Variants in DCTN5 observed in about 807,000 individuals in gnomAD.
The protein encoded by DCTN5 is dynactin subunit 5.
DCTN5 carries 14 observed loss-of-function variants against 23.5 expected under a neutral mutation model. The observed-to-expected ratio is 0.60, with a 90% CI of 0.39 to 0.93. DCTN5 has a LOEUF of 0.93. Ranked by LOEUF, DCTN5 falls within the 40% of genes least tolerant of loss-of-function variation. DCTN5 has a pLI of 0.00. For synonymous variants in DCTN5, 67 were observed against 79.6 expected (o/e 0.84, Z 0.84); for missense variants, 156 against 225.9 (o/e 0.69, Z 1.98).
At chr16:23,657,564 C>T in intron 2 of DCTN5, 1 of 362,736 alleles carries the variant, frequency 2.8e-6, no homozygotes, top group Non-Finnish European at 5.5e-6. Flanking sequence ...CCTCAGCCTC[C>T]CGAGTAGCTG....
Position 23,672,254 on chromosome 16 carries a change from G to A in DCTN5, c.*5110G>A, listed in dbSNP as rs186314288. On this transcript the variant is annotated 3_prime_UTR_variant, in exon 6 of 6. Coordinates refer to ENST00000300087, the MANE Select transcript of DCTN5 (RefSeq NM_032486.4). ...AAACAACTGTCAAAACCATGTGCCT[G>A]TACTATTTGGAGTGCTGTCCTTGCA... 12 of 152,296 alleles carry A rather than the reference G, an allele frequency of 7.9e-5. No homozygotes were observed. In the East Asian group the frequency reaches 2.1e-3, roughly 27 times the overall value. 9.4% of individuals were successfully genotyped at this position (152,296 alleles called of 1,614,324 possible). A position where few individuals can be genotyped will look rare whatever the true frequency, so the allele number is the denominator to read the frequency against.
Position 23,641,533 on chromosome 16 carries a change from G to A in DCTN5, c.-10G>A, listed in dbSNP as rs1347975305. 1.9e-6 allele frequency: 3 copies of A among 1,614,078 alleles called. No homozygotes were observed. Among genetic ancestry groups the A allele is most frequent in the Non-Finnish European group, 2.5e-6 (3 of 1,179,934 alleles). ...ACAGGATCCGGGGCTGAGGGAAGGA[G>A]GCGGCGGCCATGGAGTTGGGCGAGC... On this transcript the variant is annotated 5_prime_UTR_variant, in exon 1 of 6. Coordinates refer to ENST00000300087, the MANE Select transcript of DCTN5 (RefSeq NM_032486.4).
chr16:23,641,585 G>C lies in DCTN5; in HGVS notation c.43G>C (p.Glu15Gln), dbSNP rs1967259739. Residue 15 changes from glutamate to glutamine, a missense_variant, in exon 1 of 6, where the codon GAG becomes CAG. Physicochemically the swap from Glu to Gln is conservative, Grantham distance 29. This residue lies in a region of DCTN5 where 153 missense variants were observed against 206.8 expected (regional missense o/e 0.74). Transcript: ENST00000300087. Reference sequence around the variant, plus strand: ...GCTCTACAACAAGTCTGAGTACATCGAGACGGTGCGCGGGTCCAGATATGT... The same window carrying C: ...GCTCTACAACAAGTCTGAGTACATCCAGACGGTGCGCGGGTCCAGATATGT... ...ELLYNKSEYI[E>Q]TASGNKVSRQ... 1.2e-6 allele frequency: 2 copies of C among 1,613,868 alleles called. No individual in the cohort carries two copies. The highest frequency in any genetic ancestry group is 1.7e-5 in the Admixed American group (1 of 59,996).
intron 2 of DCTN5, among the ~76,000 whole-genome samples, chr16:23,655,746 T>C (rs1347858077): frequency 1.3e-5 from 2 of 152,170 alleles, no homozygotes; most frequent in Admixed American, 1.3e-4. Context: ...GGTTTTGCCA[T>C]GTTTCCCAGG....
chr16:23,661,898 G>A (rs1040917557), intron 4 of DCTN5, among the ~76,000 whole-genome samples: 7 of 151,944 alleles, frequency 4.6e-5, no homozygotes, highest in Non-Finnish European at 7.4e-5. Context: ...ATTTGCAGAT[G>A]AGAAGACTGA....
intron 1 of DCTN5, 133 bp downstream of exon 1, chr16:23,641,723 G>T (rs963519458): frequency 8.1e-5 from 75 of 920,924 alleles, no homozygotes; most frequent in Non-Finnish European, 1.1e-4. Flanking sequence ...ATCTAGCGAT[G>T]CCCCGTGTAC....
At chr16:23,661,109 A>C in intron 3 of DCTN5, 61 bp from the exon 4 acceptor site, 3 of 1,199,710 alleles carry the variant, frequency 2.5e-6, no homozygotes, top group Non-Finnish European at 3.7e-6. Flanking sequence ...TAGTTCTATA[A>C]ACCTTGACCC....
At chr16:23,664,094 T>G (rs910388524) in intron 4 of DCTN5, among the ~76,000 whole-genome samples, 1 of 152,242 alleles carries the variant, frequency 6.6e-6, no homozygotes, top group African/African-American at 2.4e-5. Context: ...ATGACAGGAA[T>G]TCTTAGGGTT....
chr16:23,642,880 G>A (rs1967327804), intron 1 of DCTN5, 75 bp from the exon 2 acceptor site: 1 of 1,323,996 alleles, frequency 7.6e-7, no homozygotes, highest in East Asian at 2.3e-5. Flanking sequence ...TCAAATGGGA[G>A]CTTTCTTGAT....
chr16:23,653,358 A>G (rs111394692), intron 2 of DCTN5, among the ~76,000 whole-genome samples: 5 of 152,334 alleles, frequency 3.3e-5, no homozygotes, highest in African/African-American at 1.2e-4. Context: ...GAACAGACAC[A>G]GAACAATGGA....
intron 2 of DCTN5, among the ~76,000 whole-genome samples, chr16:23,655,554 T>A (rs1967687147): frequency 6.6e-6 from 1 of 151,758 alleles, no homozygotes. Context: ...TTTTTTTTTT[T>A]TTTTCTTGAG....
chr16:23,642,744 C>T lies in DCTN5; in HGVS notation c.49-211C>T, dbSNP rs374375404. ...TCAAGGGATCCGTCTGCCTCAGCCT[C>T]TCAAAGTGCTGAGATTACAGGCATG... On this transcript the variant is annotated intron_variant, in intron 1 of 5. Transcript: ENST00000300087. The T allele has an allele frequency of 3.3e-5, 18 of 548,716 alleles. No individual in the cohort carries two copies. The South Asian group carries it at 3.5e-4, about 11-fold the overall frequency. 34.0% of individuals were successfully genotyped at this position (548,716 alleles called of 1,614,324 possible).
At position 23,643,438 on chromosome 16, in the gene DCTN5, C is replaced by T. The variant is rs1967353724; in HGVS notation, c.117+415C>T. ...GAACTCCTGCCCTCAAGTGATCCAC[C>T]CACCTCGGCCTCCCAAAGTGCTGGG... On this transcript the variant is annotated intron_variant, in intron 2 of 5. Coordinates refer to ENST00000300087, the MANE Select transcript of DCTN5 (RefSeq NM_032486.4). Among the ~76,000 whole-genome samples, 3 of 151,990 alleles carry T rather than the reference C, an allele frequency of 2.0e-5. No individual in the cohort carries two copies. The South Asian group carries it at 6.2e-4, about 32-fold the overall frequency.
intron 2 of DCTN5, among the ~76,000 whole-genome samples, chr16:23,643,701 T>G (rs1271805163): frequency 6.6e-6 from 1 of 152,056 alleles, no homozygotes; most frequent in Non-Finnish European, 1.5e-5. Context: ...ATCTCTTTAG[T>G]AAAAATTAAT....
At chr16:23,659,078 G>T (rs532195897) in intron 3 of DCTN5, among the ~76,000 whole-genome samples, 1 of 152,122 alleles carries the variant, frequency 6.6e-6, no homozygotes, top group South Asian at 2.1e-4. Context: ...TTTGTTCATG[G>T]AGCCTACCTT....
At position 23,671,387 on chromosome 16, in the gene DCTN5, A is replaced by T. The variant is rs988037237; in HGVS notation, c.*4243A>T. 2.6e-5 allele frequency: 4 copies of T among 152,218 alleles called. No homozygotes were observed. Among genetic ancestry groups the T allele is most frequent in the Non-Finnish European group, 2.9e-5 (2 of 68,040 alleles). The allele number at this position is 152,218 out of a possible 1,614,324, so 9.4% of individuals were successfully genotyped here. On this transcript the variant is annotated 3_prime_UTR_variant, in exon 6 of 6. Coordinates refer to ENST00000300087, the MANE Select transcript of DCTN5 (RefSeq NM_032486.4). The stretch of plus-strand genomic sequence containing the variant: ...CATAGCATTCTTACATATTTTTAAA[A>T]TTTAAAATAAAATTTAAAACATCTT...
intron 2 of DCTN5, among the ~76,000 whole-genome samples, chr16:23,648,751 C>T (rs1356810549): frequency 2.0e-5 from 3 of 152,102 alleles, no homozygotes; most frequent in Admixed American, 6.5e-5. Flanking sequence ...TTCTCCAAAT[C>T]CTCACTAGTA....
At position 23,650,774 on chromosome 16, in the gene DCTN5, T is replaced by C. The variant is rs1288809256; in HGVS notation, c.118-7733T>C. 13 of 1,534,996 alleles carry C rather than the reference T, an allele frequency of 8.5e-6. No homozygotes were observed. In the South Asian group the frequency reaches 1.4e-4, roughly 17 times the overall value. On this transcript the variant is annotated intron_variant, in intron 2 of 5. Transcript: ENST00000300087. ...CTTTCAGAACTTTGTCATTTCTGTT[T>C]TCCTGAGCCCATATATCAGATGTCA...
chr16:23,645,049 G>A (rs1361690562), intron 2 of DCTN5, among the ~76,000 whole-genome samples: 3 of 119,590 alleles, frequency 2.5e-5, no homozygotes, highest in African/African-American at 9.5e-5. Flanking sequence ...CAAAGTACTG[G>A]GATTACAAGT....
Sources: gnomAD v4.1 joint callset for allele counts (sites outside exome capture counted in the v4.1 genomes callset) on GRCh38, gnomAD v4.1.1 for gene constraint, gnomAD v4.1.1 regional missense constraint, MANE v1.5 for transcripts, NCBI Gene and HGNC (gene_info 2026-07-23, HGNC 2026-07-21) for gene names.